The following TACC3 variants were observed in gnomAD, a reference collection of about 807,000 sequenced individuals.
TACC3 encodes the protein transforming acidic coiled-coil-containing protein 3.
A neutral mutation model predicts 86.0 loss-of-function variants in TACC3; 52 were observed. That is an observed-to-expected ratio of 0.60 (90% confidence interval 0.48 to 0.76). TACC3 has a LOEUF of 0.76. Ranked by LOEUF, TACC3 falls within the 30% of genes least tolerant of loss-of-function variation. The pLI is 0.00. For synonymous variants in TACC3, 512 were observed against 430.0 expected, an observed-to-expected ratio of 1.19 and a Z score of -2.36; for missense variants, 1,120 against 1,070.4, an observed-to-expected ratio of 1.05 and a Z score of -0.65.
Position 1,728,208 on chromosome 4 carries a change from C to T in TACC3, c.806C>T (p.Pro269Leu), listed in dbSNP as rs1717803296. Residue 269 changes from proline to leucine, a missense_variant, in exon 4 of 16, where the codon CCT (proline) becomes CTT (leucine). Physicochemically the swap from Pro to Leu is moderately conservative, Grantham distance 98 (BLOSUM62 -3). Transcript: ENST00000313288. ...ACGGAPLQGL[P>L]GEALGCPAGV... is the part of the protein sequence containing the mutation. The stretch of plus-strand genomic sequence containing the variant: ...GGAGGAGCACCCCTGCAGGGTCTGC[C>T]TGGCGAAGCCCTGGGCTGCCCTGCG... 1.9e-6 allele frequency: 3 copies of T among 1,611,888 alleles called. No individual in the cohort carries two copies. The East Asian group carries it at 6.7e-5, about 36-fold the overall frequency.
chr4:1,734,577 ACTC>A (rs1718162709), intron 6 of TACC3, among the ~76,000 whole-genome samples: 3 of 151,894 alleles, frequency 2.0e-5, no homozygotes, highest in South Asian at 2.1e-4. Context: ...ACGTAGCAAG[ACTC>A]CTCCTCTACC....
intron 6 of TACC3, among the ~76,000 whole-genome samples, chr4:1,734,284 T>C (rs773709968): frequency 1.3e-4 from 19 of 151,774 alleles, no homozygotes; most frequent in Admixed American, 7.9e-4. Flanking sequence ...GCCTCCTGGG[T>C]TCAAGCGATT....
rs1718223319 is a variant in TACC3 at position 1,735,694 on chromosome 4, G to A, written c.1645-37G>A. 6.5e-7 allele frequency: 1 copy of A among 1,530,816 alleles called. No homozygotes were observed. Among genetic ancestry groups the A allele is most frequent in the African/African-American group, 1.4e-5 (1 of 73,546 alleles). 94.8% of individuals were successfully genotyped at this position (1,530,816 alleles called of 1,614,324 possible). ...TTAGCCCCCGTGTGTGTTAGGGGAT[G>A]GCAGTCAGACCTGATCACTTGCCCT... On this transcript the variant is annotated intron_variant, in intron 7 of 15. Coordinates refer to ENST00000313288, the MANE Select transcript of TACC3 (RefSeq NM_006342.3). This position sits in a 1 kb window ranked among gnomAD's most constrained non-coding sequence, Gnocchi z 4.2.
intron 1 of TACC3, 22 bp from the exon 2 acceptor site, chr4:1,723,399 C>A: frequency 1.2e-6 from 2 of 1,608,452 alleles, no homozygotes. Context: ...CACACTGACA[C>A]AAACATGTTC....
Position 1,745,013 on chromosome 4 carries a change from A to ACCT in TACC3, c.*3_*5dup, listed in dbSNP as rs767320506. On this transcript the variant is annotated 3_prime_UTR_variant, in exon 16 of 16. Coordinates refer to ENST00000313288, the MANE Select transcript of TACC3 (RefSeq NM_006342.3). Reference sequence around the variant, plus strand: ...TCATCTCCAAGATGGAGAAGATCTGACCTCCACGGAGCCGCTGTCCCCGCC... The same window carrying ACCT: ...TCATCTCCAAGATGGAGAAGATCTGACCTCCTCCACGGAGCCGCTGTCCCCGCC... 8.1e-6 allele frequency: 13 copies of ACCT among 1,604,776 alleles called. No homozygotes were observed. The highest frequency in any genetic ancestry group is 1.0e-5 in the Non-Finnish European group (12 of 1,176,482).
At chr4:1,724,405 T>C (rs998325759) in intron 3 of TACC3, among the ~76,000 whole-genome samples, 22 of 141,348 alleles carry the variant, frequency 1.6e-4, no homozygotes, top group Non-Finnish European at 2.9e-4. Flanking sequence ...TTTTTTTTTT[T>C]CTGGAGACAG....
chr4:1,742,777 C>T (rs189508390), intron 13 of TACC3, among the ~76,000 whole-genome samples: 173 of 148,764 alleles, frequency 1.2e-3, no homozygotes, highest in East Asian at 6.1e-4. Context: ...CCAGCCTGGG[C>T]GACAGAGTGA....
At chr4:1,732,721 G>C (rs762995185) in intron 6 of TACC3, among the ~76,000 whole-genome samples, 1 of 152,226 alleles carries the variant, frequency 6.6e-6, no homozygotes, top group Non-Finnish European at 1.5e-5. Context: ...CACACAGCAC[G>C]GCCTTCTGTG....
intron 10 of TACC3, chr4:1,738,382 T>C (rs1045963431): frequency 5.3e-5 from 9 of 169,022 alleles, no homozygotes; most frequent in Admixed American, 4.4e-4. Flanking sequence ...AGGCCTGTGA[T>C]GTGGCCCTGA....
At chr4:1,733,523 G>A (rs2108699652) in intron 6 of TACC3, among the ~76,000 whole-genome samples, 1 of 152,032 alleles carries the variant, frequency 6.6e-6, no homozygotes, top group African/African-American at 2.4e-5. Context: ...ACCTGGCATG[G>A]TGGCGTACAC....
At chr4:1,736,458 G>A (rs1458990257) in intron 8 of TACC3, among the ~76,000 whole-genome samples, 6 of 146,798 alleles carry the variant, frequency 4.1e-5, no homozygotes, top group Admixed American at 1.4e-4. Flanking sequence ...AAAAAATAGA[G>A]GTCAGCAAAC....
intron 10 of TACC3, chr4:1,738,396 C>T (rs28688985): frequency 0.028 from 4,552 of 159,906 alleles, 99 homozygotes; most frequent in South Asian, 0.063. Flanking sequence ...GCCCTGACCC[C>T]GTACCCCAAC....
At position 1,745,003 on chromosome 4, in the gene TACC3, A is replaced by G. The variant is rs1161614877; in HGVS notation, c.2507A>G (p.Glu836Gly). The G allele has an allele frequency of 1.2e-6, 2 of 1,608,446 alleles. No individual in the cohort carries two copies. Among genetic ancestry groups the G allele is most frequent in the Non-Finnish European group, 1.7e-6 (2 of 1,178,050 alleles). ...RICDDLISKM[E>G]KI ...TGCGACGACCTCATCTCCAAGATGGAGAAGATCTGACCTCCACGGAGCCGC... is the reference window on the plus strand; with the variant it reads ...TGCGACGACCTCATCTCCAAGATGGGGAAGATCTGACCTCCACGGAGCCGC... Residue 836 changes from glutamate (E) to glycine (G), a missense_variant, in exon 16 of 16, where the codon GAG (glutamate) becomes GGG (glycine). Physicochemically the swap from Glu to Gly is moderately conservative, Grantham distance 98. Coordinates refer to ENST00000313288, the MANE Select transcript of TACC3 (RefSeq NM_006342.3).
rs368745885 is a variant in TACC3 at position 1,739,693 on chromosome 4, C to T, written c.1942-9C>T. 119 of 1,571,326 alleles carry T rather than the reference C, an allele frequency of 7.6e-5. No homozygotes were observed. Among genetic ancestry groups the T allele is most frequent in the African/African-American group, 3.0e-4 (22 of 73,972 alleles). On this transcript the variant is annotated splice_polypyrimidine_tract_variant and intron_variant, in intron 10 of 15. Transcript: ENST00000313288. Reference sequence around the variant, plus strand: ...CGCCTGCCTGCTGACTTGGGTGTGGCCTGAGCAGGTAAAGGCGACACAGGA... The same window carrying T: ...CGCCTGCCTGCTGACTTGGGTGTGGTCTGAGCAGGTAAAGGCGACACAGGA...
At position 1,737,687 on chromosome 4, in the gene TACC3, G is replaced by A. The variant is rs1293283546; in HGVS notation, c.1926G>A (p.Lys642=). 6 of 1,551,000 alleles carry A rather than the reference G, an allele frequency of 3.9e-6. No individual in the cohort carries two copies. The Admixed American group carries it at 7.8e-5, about 20-fold the overall frequency. Reference sequence around the variant, plus strand: ...TGGACCTGCTCCAGTACAGCCAGAAGGACCTGGATGCAGTGGTAAGGACGC... The same window carrying A: ...TGGACCTGCTCCAGTACAGCCAGAAAGACCTGGATGCAGTGGTAAGGACGC... ...PIVDLLQYSQ[K]DLDAVVKATQ... is the part of the protein sequence containing the mutation. The change falls in exon 10 of 16, where the codon AAG becomes AAA. Residue 642 remains lysine, a synonymous_variant. Transcript: ENST00000313288.
chr4:1,740,957 C>T lies in TACC3; in HGVS notation c.2194C>T (p.Gln732Ter), dbSNP rs1553830828. 1 of 1,610,478 alleles carries T rather than the reference C, an allele frequency of 6.2e-7. No individual in the cohort carries two copies. The highest frequency in any genetic ancestry group is 8.5e-7 in the Non-Finnish European group (1 of 1,179,172). The change falls in exon 13 of 16, where the codon CAG becomes TAG. Residue 732 changes from glutamine (Q) to a stop codon, truncating the protein, a stop_gained. Coordinates refer to ENST00000313288, the MANE Select transcript of TACC3 (RefSeq NM_006342.3). LOFTEE classifies it high-confidence loss of function. ...CGACCTCTTCAAGCGTTTTGAGAAA[C>T]AGAAAGAGGTGATCGAGGGCTACCG... ...FSDLFKRFEKQKEVIEGYRKN... is the reference protein window; with the variant it reads ...FSDLFKRFEK
At chr4:1,730,819 T>C in intron 4 of TACC3, 68 bp from the exon 5 acceptor site, 1 of 1,526,086 alleles carries the variant, frequency 6.6e-7, no homozygotes, top group Non-Finnish European at 9.0e-7. Context: ...GGCAGCTCAG[T>C]GCTGGAGCAG....
chr4:1,724,669 A>G (rs150817758), intron 3 of TACC3, among the ~76,000 whole-genome samples: 3 of 152,172 alleles, frequency 2.0e-5, no homozygotes, highest in Non-Finnish European at 4.4e-5. Flanking sequence ...GGCTGAACTA[A>G]TCTGTCTGGG....
rs764256644 is a variant in TACC3 at position 1,728,548 on chromosome 4, GGAGGACGACGGTAGGAGCGGAGCAGGA to G, written c.1153_1179del (p.Asp385_Asp393del). The G allele has an allele frequency of 6.8e-6, 11 of 1,613,870 alleles. No homozygotes were observed. Among genetic ancestry groups the G allele is most frequent in the African/African-American group, 1.3e-5 (1 of 74,924 alleles). On this transcript the variant is annotated inframe_deletion, in exon 4 of 16. Transcript: ENST00000313288. ...AGCAAAAGGCCCCGCAGGAGGTGGA[GGAGGACGACGGTAGGAGCGGAGCAGGA>G]GAGGACCCCCCCATGCCAGCTTCTC...
Sources: allele counts gnomAD v4.1 joint callset (sites outside exome capture counted in the v4.1 genomes callset), GRCh38; gene constraint gnomAD v4.1.1; non-coding constraint Gnocchi (gnomAD v3.1); transcripts MANE v1.5; gene names NCBI Gene and HGNC (gene_info 2026-07-23, HGNC 2026-07-21).